The following GOLGA2 variants were observed in gnomAD, a reference collection of about 807,000 sequenced individuals.
GOLGA2 encodes golgin A2.
Under a neutral mutation model 148.8 loss-of-function variants are expected in GOLGA2, and 49 were observed. The ratio of observed to expected loss-of-function variants is 0.33; its 90% CI spans 0.26 to 0.42. GOLGA2 has a LOEUF of 0.42. Among genes scored for constraint, GOLGA2 ranks in the 10% least tolerant of loss-of-function variants. The pLI, the probability that GOLGA2 is intolerant of heterozygous loss-of-function variation, is 1.00. For synonymous variants in GOLGA2, 501 were observed against 511.8 expected (o/e 0.98, Z 0.28); for missense variants, 1,178 against 1,304.6 (o/e 0.90, Z 1.49).
In GOLGA2 at chr9:128,257,576, C is replaced by T; in HGVS notation, c.2718+25G>A. 1.2e-6 allele frequency: 2 copies of T among 1,614,036 alleles called. No individual in the cohort carries two copies. Among genetic ancestry groups the T allele is most frequent in the Non-Finnish European group, 1.7e-6 (2 of 1,179,948 alleles). On this transcript the variant is annotated intron_variant, in intron 25 of 26. Coordinates refer to ENST00000611957, the MANE Select transcript of GOLGA2 (RefSeq NM_001366244.2). This position sits in a 1 kb window ranked among gnomAD's most constrained non-coding sequence, Gnocchi z 8.0. ...ATGCCCATGCCCGTGCCCACCTCCA[C>T]CCCCAGAGATGTTCCACACCCTACC...
intron 3 of GOLGA2, among the ~76,000 whole-genome samples, chr9:128,270,724 A>C (rs1830888369): frequency 6.6e-6 from 1 of 152,108 alleles, no homozygotes; most frequent in East Asian, 1.9e-4. Context: ...CCTACATTGG[A>C]AACAGTTACG....
intron 1 of GOLGA2, among the ~76,000 whole-genome samples, chr9:128,274,687 G>A (rs568504614): frequency 1.3e-5 from 2 of 152,104 alleles, no homozygotes; most frequent in Non-Finnish European, 2.9e-5. Flanking sequence ...GTTGAACCTG[G>A]GAATTTAACA....
chr9:128,268,379 G>T, intron 4 of GOLGA2, 41 bp downstream of exon 4: 1 of 1,139,468 alleles, frequency 8.8e-7, no homozygotes, highest in Non-Finnish European at 1.3e-6. Context: ...ATGCATAATA[G>T]GTACAGGAGG....
At chr9:128,263,605 A>G (rs1273523245) in intron 12 of GOLGA2, among the ~76,000 whole-genome samples, 2 of 151,894 alleles carry the variant, frequency 1.3e-5, no homozygotes, top group African/African-American at 2.4e-5. Flanking sequence ...TTTTTAGTAG[A>G]GACGAGGTTT....
intron 12 of GOLGA2, among the ~76,000 whole-genome samples, chr9:128,264,988 A>C (rs192048673): frequency 2.8e-4 from 43 of 152,278 alleles, no homozygotes; most frequent in Admixed American, 2.5e-3. Context: ...TTGAACACCC[A>C]GGTATATCTG....
Position 128,257,610 on chromosome 9 carries a change from C to T in GOLGA2, c.2709G>A (p.Glu903=), listed in dbSNP as rs1291065469. Residue 903 remains glutamate (E), a synonymous_variant, in exon 25 of 27, where the codon GAG becomes GAA. Transcript: ENST00000611957. This position sits in a 1 kb window ranked among gnomAD's most constrained non-coding sequence, Gnocchi z 8.0. ...ATGTTCCACACCCTACCTTCATCTC[C>T]TCCTTGTCTTGGGCCAGCCTGCTGA... ...EYISRLAQDK[E]EMKVKLLELQ... 6.2e-7 allele frequency: 1 copy of T among 1,614,144 alleles called. No individual in the cohort carries two copies. The highest frequency in any genetic ancestry group is 8.5e-7 in the Non-Finnish European group (1 of 1,179,990).
In GOLGA2 at chr9:128,260,999, C is replaced by G; in HGVS notation, c.1420+173G>C. 1.5e-6 allele frequency: 1 copy of G among 671,722 alleles called. No homozygotes were observed. Among genetic ancestry groups the G allele is most frequent in the Non-Finnish European group, 2.6e-6 (1 of 377,710 alleles). 41.6% of individuals were successfully genotyped at this position (671,722 alleles called of 1,614,324 possible). On this transcript the variant is annotated intron_variant, in intron 17 of 26. Transcript: ENST00000611957. The surrounding 1 kb of genome is among the most constrained non-coding windows in gnomAD (Gnocchi z 4.8). ...GACAACGGGCACTCCTTCGTCTTTG[C>G]TGATGGGGCACTGAGGCTCATGGAG... is the stretch of plus-strand genomic sequence containing the variant.
rs372524299 is a variant in GOLGA2, at chr9:128,267,914, G to A, written c.501+20C>T. ...GTTCCCTTCCCCCCACCCCGCTCTCGGCCTCAGTTCCTGAGGTACCTCACA... is the reference window on the plus strand; with the variant it reads ...GTTCCCTTCCCCCCACCCCGCTCTCAGCCTCAGTTCCTGAGGTACCTCACA... On this transcript the variant is annotated intron_variant, in intron 6 of 26. Coordinates refer to ENST00000611957, the MANE Select transcript of GOLGA2 (RefSeq NM_001366244.2). 2.5e-5 allele frequency: 40 copies of A among 1,583,622 alleles called. No homozygotes were observed. Among genetic ancestry groups the A allele is most frequent in the Non-Finnish European group, 3.1e-5 (36 of 1,152,662 alleles).
In GOLGA2 at chr9:128,272,812, T is replaced by TC; in HGVS notation, c.260_261insG (p.Ala88SerfsTer22). 7.8e-7 allele frequency: 1 copy of TC among 1,275,540 alleles called. No individual in the cohort carries two copies. Among genetic ancestry groups the TC allele is most frequent in the Non-Finnish European group, 1.0e-6 (1 of 978,100 alleles). 79.0% of individuals were successfully genotyped at this position (1,275,540 alleles called of 1,614,324 possible). A position where few individuals can be genotyped will look rare whatever the true frequency, so the allele number is the denominator to read the frequency against. On this transcript the variant is annotated frameshift_variant, in exon 3 of 27. Transcript: ENST00000611957. ...TCCACTTGTCCAATGGGGGGAGCGC[T>TC]ACCCCATTGGAACGGTTAAGGTCGG...
At position 128,266,631 on chromosome 9, in the gene GOLGA2, G is replaced by T; in HGVS notation, c.643-306C>A. 3.9e-6 allele frequency: 2 copies of T among 506,556 alleles called. No homozygotes were observed. Among genetic ancestry groups the T allele is most frequent in the Non-Finnish European group, 3.5e-6 (1 of 284,360 alleles). 31.4% of individuals were successfully genotyped at this position (506,556 alleles called of 1,614,324 possible). On this transcript the variant is annotated intron_variant, in intron 8 of 26. Coordinates refer to ENST00000611957, the MANE Select transcript of GOLGA2 (RefSeq NM_001366244.2). The surrounding 1 kb of genome is among the most constrained non-coding windows in gnomAD (Gnocchi z 4.2). ...CCTCTGCCAGTTTGTGATTTAGAAA[G>T]GTGTAATCATTCAACAAACATTTGC...
intron 3 of GOLGA2, among the ~76,000 whole-genome samples, chr9:128,272,504 G>C (rs1831017975): frequency 6.6e-6 from 1 of 150,950 alleles, no homozygotes; most frequent in East Asian, 1.9e-4. Context: ...AAAAAAAAAA[G>C]CCCCAAATCC....
At chr9:128,267,602 C>G (rs545962039) in intron 6 of GOLGA2, 85 bp from the exon 7 acceptor site, 1 of 1,030,284 alleles carries the variant, frequency 9.7e-7, no homozygotes, top group African/African-American at 1.6e-5. Context: ...CAGCAATTGG[C>G]AACATTTTCT....
At position 128,257,418 on chromosome 9, in the gene GOLGA2, A is replaced by C. The variant is rs1371649425; in HGVS notation, c.2826T>G (p.Thr942=). 1 of 1,612,948 alleles carries C rather than the reference A, an allele frequency of 6.2e-7. No homozygotes were observed. Among genetic ancestry groups the C allele is most frequent in the African/African-American group, 1.3e-5 (1 of 74,958 alleles). Residue 942 remains threonine (T), a synonymous_variant, in exon 26 of 27, where the codon ACT becomes ACG. Transcript: ENST00000611957. The surrounding 1 kb of genome is among the most constrained non-coding windows in gnomAD (Gnocchi z 8.0). ...GTTCCTGGGGGGCTGGGGCCCCTGA[A>C]GTGGGCTCATCAGCAGGGTTCTGGG... ...AAAQNPADEP[T]SGAPAPQELG... is the part of the protein sequence containing the mutation.
chr9:128,261,249 A>C lies in GOLGA2; in HGVS notation c.1343T>G (p.Leu448Trp). The change falls in exon 17 of 27, where the codon TTG becomes TGG. Residue 448 changes from leucine to tryptophan, a missense_variant. Coordinates refer to ENST00000611957, the MANE Select transcript of GOLGA2 (RefSeq NM_001366244.2). This position sits in a 1 kb window ranked among gnomAD's most constrained non-coding sequence, Gnocchi z 5.7. ...MQQMSEQVHT[L>W]REEKECSMSR... ...CATGCTACATTCCTTCTCCTCTCTC[A>C]ATGTGTGCACCTGCCCAAAGCACAG... 6.2e-7 allele frequency: 1 copy of C among 1,613,380 alleles called. No homozygotes were observed. Among genetic ancestry groups the C allele is most frequent in the Non-Finnish European group, 8.5e-7 (1 of 1,179,442 alleles).
chr9:128,270,129 A>ATTTTTTTT (rs776425049), intron 3 of GOLGA2, among the ~76,000 whole-genome samples: 3 of 115,144 alleles, frequency 2.6e-5, no homozygotes, highest in African/African-American at 1.1e-4. Context: ...GAGGAAGGGA[A>ATTTTTTTT]TTTTTTTTTT....
In GOLGA2 at chr9:128,262,443, C is replaced by T. The variant is rs73672480; in HGVS notation, c.1134+120G>A. The T allele has an allele frequency of 1.0e-3, 842 of 815,466 alleles. 4 individuals are homozygous for T. In the African/African-American group the frequency reaches 0.013, roughly 12 times the overall value. 50.5% of individuals were successfully genotyped at this position (815,466 alleles called of 1,614,324 possible). On this transcript the variant is annotated intron_variant, in intron 14 of 26. Coordinates refer to ENST00000611957, the MANE Select transcript of GOLGA2 (RefSeq NM_001366244.2). ...TCTCTAGAGGATTTTATGCCAGGAC[C>T]GGAACAAGGACCCAAATTTTCCAGC...
In GOLGA2 at chr9:128,260,445, C is replaced by G; in HGVS notation, c.1758+20G>C. On this transcript the variant is annotated intron_variant, in intron 18 of 26. Transcript: ENST00000611957. The surrounding 1 kb of genome is among the most constrained non-coding windows in gnomAD (Gnocchi z 4.8). ...GGAGGGCTAGGGAGGAGGGCGGGCT[C>G]TCCAGGTGGGGCAGCGCACCAGCTT... 1 of 1,591,688 alleles carries G rather than the reference C, an allele frequency of 6.3e-7. No homozygotes were observed. The highest frequency in any genetic ancestry group is 8.6e-7 in the Non-Finnish European group (1 of 1,163,742).
chr9:128,268,370 T>C (rs1403975707), intron 4 of GOLGA2, 50 bp downstream of exon 4: 2 of 1,108,022 alleles, frequency 1.8e-6, no homozygotes, highest in Non-Finnish European at 2.8e-6. Context: ...GAGAAGATAA[T>C]GCATAATAGG....
Position 128,266,244 on chromosome 9 carries a change from A to G in GOLGA2, c.681+43T>C. Reference sequence around the variant, plus strand: ...GGCCTCTACATTTGAATGCCCCCCAAACCCAGCAGTCATGTTGTGAGCAAA... The same window carrying G: ...GGCCTCTACATTTGAATGCCCCCCAGACCCAGCAGTCATGTTGTGAGCAAA... On this transcript the variant is annotated intron_variant, in intron 9 of 26. Coordinates refer to ENST00000611957, the MANE Select transcript of GOLGA2 (RefSeq NM_001366244.2). The surrounding 1 kb of genome is among the most constrained non-coding windows in gnomAD (Gnocchi z 4.2). The G allele has an allele frequency of 6.4e-7, 1 of 1,568,976 alleles. No individual in the cohort carries two copies. The highest frequency in any genetic ancestry group is 8.8e-7 in the Non-Finnish European group (1 of 1,139,364).
Sources: allele counts gnomAD v4.1 joint callset (sites outside exome capture counted in the v4.1 genomes callset), GRCh38; gene constraint gnomAD v4.1.1; non-coding constraint Gnocchi (gnomAD v3.1); transcripts MANE v1.5; gene names NCBI Gene and HGNC (gene_info 2026-07-23, HGNC 2026-07-21).